ZSCAN5B: variants seen among roughly 807,000 people sequenced by gnomAD.
ZSCAN5B encodes the protein zinc finger and SCAN domain-containing protein 5B.
In ZSCAN5B, 26 loss-of-function variants were observed where a neutral mutation model predicts 25.2. The ratio of observed to expected loss-of-function variants is 1.03; its 90% CI spans 0.76 to 1.43. ZSCAN5B has a LOEUF of 1.43. Ranked by LOEUF, ZSCAN5B falls within the 40% of genes most tolerant of loss-of-function variation. The pLI, the probability that ZSCAN5B is intolerant of heterozygous loss-of-function variation, is 0.00. For missense variants in ZSCAN5B, 745 were observed against 622.1 expected (o/e 1.20, Z -2.10); for synonymous variants, 244 against 240.9 (o/e 1.01, Z -0.12).
exon 1 of ZSCAN5B, chr19:56,197,845 G>A (rs1599943053): frequency 1.1e-5 from 11 of 985,286 alleles, no homozygotes; most frequent in Non-Finnish European, 1.3e-5. Flanking sequence ...CCGCGTTTCC[G>A]GTTCCCTGCG....
At chr19:56,196,348 G>A (rs929348255) in intron 1 of ZSCAN5B, among the ~76,000 whole-genome samples, 3 of 152,078 alleles carry the variant, frequency 2.0e-5, no homozygotes, top group African/African-American at 7.2e-5. Context: ...CACCGCACCT[G>A]GCCATTAAAA....
intron 3 of ZSCAN5B, among the ~76,000 whole-genome samples, chr19:56,191,340 TGCAGA>T (rs1291311901): frequency 1.3e-5 from 2 of 152,114 alleles, no homozygotes; most frequent in Non-Finnish European, 2.9e-5. Flanking sequence ...GGCGCTCCTG[TGCAGA>T]GCAGAGACCC....
At position 56,190,448 on chromosome 19, in the gene ZSCAN5B, A is replaced by G. The variant is rs61742631; in HGVS notation, c.867T>C (p.Asp289=). The G allele has an allele frequency of 4.4e-3, 7,039 of 1,613,932 alleles. 138 individuals carry two copies. The African/African-American group carries it at 0.056, about 13-fold the overall frequency. Residue 289 remains aspartate (D), a synonymous_variant, in exon 5 of 5, where the codon GAT becomes GAC. Transcript: ENST00000586855. The stretch of plus-strand genomic sequence containing the variant: ...TTTTGGGACTGCTCAGATTCAGAGC[A>G]TCTCCTCTGTTCCCGCTGTGAGTCA...
intron 3 of ZSCAN5B, among the ~76,000 whole-genome samples, chr19:56,191,632 C>G (rs899413745): frequency 6.7e-6 from 1 of 149,126 alleles, no homozygotes; most frequent in Non-Finnish European, 1.5e-5. Context: ...CCCACCCCCC[C>G]ACCCTAAATG....
At chr19:56,192,580 A>G in intron 2 of ZSCAN5B, 89 bp downstream of exon 2, 5 of 1,525,378 alleles carry the variant, frequency 3.3e-6, no homozygotes, top group African/African-American at 1.4e-5. Context: ...TATTTGCAAT[A>G]TTAGCTGTGC....
Position 56,190,869 on chromosome 19 carries a change from G to C in ZSCAN5B, c.707C>G (p.Ser236Ter), listed in dbSNP as rs768365934. 1.2e-6 allele frequency: 2 copies of C among 1,614,050 alleles called. No homozygotes were observed. Among genetic ancestry groups the C allele is most frequent in the African/African-American group, 2.7e-5 (2 of 74,906 alleles). ...CTTTGGAAGCTGAGGCTCTGGGGAT[G>C]ACAGTCCTGGGTTCTCTTCCCTGTT... Residue 236 changes from serine (S) to a stop codon, truncating the protein, a stop_gained, in exon 4 of 5, where the codon TCA (serine) becomes TGA (stop). Coordinates refer to ENST00000586855, the Ensembl canonical transcript of ZSCAN5B. LOFTEE classifies it low-confidence loss of function (END_TRUNC).
At chr19:56,192,106 C>T in intron 2 of ZSCAN5B, 53 bp from the exon 3 acceptor site, 1 of 1,502,232 alleles carries the variant, frequency 6.7e-7, no homozygotes, top group Non-Finnish European at 9.1e-7. Flanking sequence ...AAGTAGCTCT[C>T]ATATTTCCTG....
chr19:56,197,808 CTATT>C (rs1042922166), exon 1 of ZSCAN5B: 1 of 985,282 alleles, frequency 1.0e-6, no homozygotes, highest in African/African-American at 1.7e-5. Context: ...TGAACTGCGT[CTATT>C]TATGGAGAAG....
intron 1 of ZSCAN5B, among the ~76,000 whole-genome samples, chr19:56,196,086 T>C (rs1229975447): frequency 6.6e-6 from 1 of 152,186 alleles, no homozygotes; most frequent in Non-Finnish European, 1.5e-5. Context: ...AGAATCTCAC[T>C]CTATCCCCCA....
At chr19:56,195,526 G>A (rs1024995962) in intron 1 of ZSCAN5B, among the ~76,000 whole-genome samples, 2 of 151,702 alleles carry the variant, frequency 1.3e-5, no homozygotes, top group Non-Finnish European at 2.9e-5. Context: ...TCTGCGCCCT[G>A]TGCTGGGATG....
At chr19:56,189,859 G>C (rs538102585) in exon 5 of ZSCAN5B, 1 of 1,613,014 alleles carries the variant, frequency 6.2e-7, no homozygotes, top group South Asian at 1.1e-5. Context: ...TGTGTTTTCA[G>C]GTGACGCTTG....
rs774715338 is a variant in ZSCAN5B at position 56,190,012 on chromosome 19, C to G, written c.1303G>C (p.Gly435Arg). The change falls in exon 5 of 5, where the codon GGG becomes CGG. Residue 435 changes from glycine to arginine, a missense_variant. Coordinates refer to ENST00000586855, the Ensembl canonical transcript of ZSCAN5B. ...TATTTACATTTAAACGGCCTCTCCC[C>G]GGTGTGGATCCTCTTGTGGCCCTGT... The G allele has an allele frequency of 5.6e-6, 9 of 1,613,872 alleles. No homozygotes were observed. The highest frequency in any genetic ancestry group is 1.7e-5 in the Admixed American group (1 of 59,994).
intron 3 of ZSCAN5B, 59 bp downstream of exon 3, chr19:56,191,791 C>T (rs547129428): frequency 1.0e-5 from 16 of 1,564,576 alleles, no homozygotes; most frequent in Middle Eastern, 1.9e-4. Context: ...TGCAGCCACA[C>T]GATTTCCTCC....
At chr19:56,192,704 C>T (rs1174870536) in exon 2 of ZSCAN5B, 3 of 1,583,048 alleles carry the variant, frequency 1.9e-6, no homozygotes, top group African/African-American at 1.4e-5. Flanking sequence ...CGTAGCAGGT[C>T]CTCCAGGTCT....
At chr19:56,192,470 C>T (rs2032750229) in intron 2 of ZSCAN5B, among the ~76,000 whole-genome samples, 199 bp downstream of exon 2, 1 of 152,232 alleles carries the variant, frequency 6.6e-6, no homozygotes, top group Admixed American at 6.5e-5. Flanking sequence ...TCCCTACGTT[C>T]CATCAGGCCT....
intron 1 of ZSCAN5B, among the ~76,000 whole-genome samples, chr19:56,194,415 C>G (rs2032780684): frequency 6.6e-6 from 1 of 152,052 alleles, no homozygotes; most frequent in Non-Finnish European, 1.5e-5. Flanking sequence ...CTCAGCTTCC[C>G]AAGTAGCTGG....
Position 56,190,143 on chromosome 19 carries a change from C to T in ZSCAN5B, c.1172G>A (p.Arg391His), listed in dbSNP as rs770387386. The T allele has an allele frequency of 1.4e-5, 22 of 1,614,000 alleles. No individual in the cohort carries two copies. Among genetic ancestry groups the T allele is most frequent in the Middle Eastern group, 1.7e-4 (1 of 6,060 alleles). ...TCGGAGGTCTGAGGGCTGCAAGAAG[C>T]GCTTCCGACAGAGATCACATTGAAA... The change falls in exon 5 of 5, where the codon CGC (arginine) becomes CAC (histidine). Residue 391 changes from arginine (R) to histidine (H), a missense_variant. Coordinates refer to ENST00000586855, the Ensembl canonical transcript of ZSCAN5B.
intron 1 of ZSCAN5B, among the ~76,000 whole-genome samples, chr19:56,196,396 G>T (rs753327754): frequency 5.3e-5 from 8 of 152,042 alleles, no homozygotes; most frequent in Non-Finnish European, 1.0e-4. Context: ...AAGTTAAATA[G>T]GTCTACTGCA....
chr19:56,190,004 C>T, exon 5 of ZSCAN5B: 4 of 1,613,938 alleles, frequency 2.5e-6, no homozygotes, highest in Non-Finnish European at 2.5e-6. Flanking sequence ...ATTTAAACGG[C>T]CTCTCCCCGG....
Sources: allele counts gnomAD v4.1 joint callset (sites outside exome capture counted in the v4.1 genomes callset), GRCh38; gene constraint gnomAD v4.1.1; transcripts MANE v1.5; gene names NCBI Gene and HGNC (gene_info 2026-07-23, HGNC 2026-07-21).